Variants in RFFL observed in about 807,000 individuals in gnomAD.
The protein encoded by RFFL is E3 ubiquitin-protein ligase rififylin.
In RFFL, 16 loss-of-function variants were observed where a neutral mutation model predicts 40.4. The ratio of observed to expected loss-of-function variants is 0.40; its 90% confidence interval spans 0.27 to 0.60. The LOEUF (loss-of-function observed/expected upper bound fraction) is 0.60. Among genes scored for constraint, RFFL ranks in the 20% least tolerant of loss-of-function variants. The probability of loss-of-function intolerance (pLI) is 0.47; values close to 1 mark genes in which losing one functional copy is unlikely to be tolerated. For synonymous variants in RFFL, 154 were observed against 167.9 expected (o/e 0.92, Z 0.64); for missense variants, 367 against 451.7 (o/e 0.81, Z 1.70).
At chr17:35,055,552 G>T (rs968744877) in intron 1 of RFFL, among the ~76,000 whole-genome samples, 2 of 151,552 alleles carry the variant, frequency 1.3e-5, no homozygotes, top group African/African-American at 4.9e-5. Flanking sequence ...CACACCTGTA[G>T]TCTAGCTACT....
At chr17:35,074,453 G>A (rs1332454911) in intron 1 of RFFL, 4 of 151,788 alleles carry the variant, frequency 2.6e-5, no homozygotes, top group Admixed American at 6.6e-5. Context: ...TTCTGCAGCC[G>A]ACATATTTGT....
At position 35,010,392 on chromosome 17, in the gene RFFL, G is replaced by A. The variant is rs1859248; in HGVS notation, c.*1576C>T. ...CTTAAGTCCTCCAGCTCCTCTAGGGGTGTAAAGACTGTGAGGGCTCAAATA... is the reference window on the plus strand; with the variant it reads ...CTTAAGTCCTCCAGCTCCTCTAGGGATGTAAAGACTGTGAGGGCTCAAATA... On this transcript the variant is annotated 3_prime_UTR_variant, in exon 7 of 7. Coordinates refer to ENST00000394597, the MANE Select transcript of RFFL (RefSeq NM_001017368.2). The A allele has an allele frequency of 0.2, 30,682 of 152,148 alleles. 4,570 individuals carry two copies. Among genetic ancestry groups the A allele is most frequent in the African/African-American group, 0.42 (17,597 of 41,434 alleles). The allele number at this position is 152,148 out of a possible 1,614,324, so 9.4% of individuals were successfully genotyped here. A position where few individuals can be genotyped will look rare whatever the true frequency, so the allele number is the denominator to read the frequency against.
chr17:35,012,155 C>G lies in RFFL; in HGVS notation c.911-6G>C. On this transcript the variant is annotated splice_region_variant and splice_polypyrimidine_tract_variant and intron_variant, in intron 6 of 6. Coordinates refer to ENST00000394597, the MANE Select transcript of RFFL (RefSeq NM_001017368.2). The stretch of plus-strand genomic sequence containing the variant: ...GCCTGATGGTACTGCTCCCCCTGTA[C>G]AAACACACAGGGCAGAAAAAAAGGG... 4 of 1,612,350 alleles carry G rather than the reference C, an allele frequency of 2.5e-6. No homozygotes were observed. Among genetic ancestry groups the G allele is most frequent in the Non-Finnish European group, 3.4e-6 (4 of 1,178,864 alleles).
At chr17:35,078,597 C>G (rs1160554176) in intron 1 of RFFL, among the ~76,000 whole-genome samples, 1 of 152,156 alleles carries the variant, frequency 6.6e-6, no homozygotes, top group Non-Finnish European at 1.5e-5. Context: ...CCACCAGGCC[C>G]GGCCCAGAAA....
At chr17:35,050,366 G>A (rs1011940493) in intron 1 of RFFL, among the ~76,000 whole-genome samples, 2 of 152,122 alleles carry the variant, frequency 1.3e-5, no homozygotes, top group African/African-American at 4.8e-5. Context: ...AGACCAGCTC[G>A]CAGCCTGGGC....
intron 1 of RFFL, among the ~76,000 whole-genome samples, chr17:35,080,927 G>A (rs749014768): frequency 1.3e-5 from 2 of 152,210 alleles, no homozygotes; most frequent in South Asian, 2.1e-4. Context: ...AACAGAAAAT[G>A]TAGGTTTAAC....
At position 35,026,628 on chromosome 17, in the gene RFFL, C is replaced by T. The variant is rs999666075; in HGVS notation, c.-8-67G>A. The T allele has an allele frequency of 1.4e-5, 19 of 1,328,298 alleles. No individual in the cohort carries two copies. The East Asian group carries it at 1.7e-4, about 12-fold the overall frequency. 82.3% of individuals were successfully genotyped at this position (1,328,298 alleles called of 1,614,324 possible). A position where few individuals can be genotyped will look rare whatever the true frequency, so the allele number is the denominator to read the frequency against. On this transcript the variant is annotated intron_variant, in intron 1 of 6. Coordinates refer to ENST00000394597, the MANE Select transcript of RFFL (RefSeq NM_001017368.2). ...ACACCTCTACTGTCCTTTTGATGTC[C>T]GAGAGCACAGGTGAGCAGTGACACT...
At chr17:35,023,602 T>A (rs943582318) in intron 2 of RFFL, among the ~76,000 whole-genome samples, 1 of 152,220 alleles carries the variant, frequency 6.6e-6, no homozygotes, top group African/African-American at 2.4e-5. Flanking sequence ...GGAAATGAAG[T>A]CTGTTTAGGA....
rs925134965 is a variant in RFFL, at chr17:35,010,975, C to T, written c.*993G>A. The T allele has an allele frequency of 6.6e-6, 1 of 152,218 alleles. No individual in the cohort carries two copies. The highest frequency in any genetic ancestry group is 2.4e-5 in the African/African-American group (1 of 41,448). 9.4% of individuals were successfully genotyped at this position (152,218 alleles called of 1,614,324 possible). Reference sequence around the variant, plus strand: ...CAACAGCAGTCTGGCCAGAGAAGAGCACAGGCTCTTTGCCTAAATCTATTT... The same window carrying T: ...CAACAGCAGTCTGGCCAGAGAAGAGTACAGGCTCTTTGCCTAAATCTATTT... On this transcript the variant is annotated 3_prime_UTR_variant, in exon 7 of 7. Transcript: ENST00000394597.
upstream of RFFL, among the ~76,000 whole-genome samples, chr17:35,068,699 C>T (rs1470413597): frequency 4.6e-5 from 7 of 152,172 alleles, no homozygotes; most frequent in Admixed American, 2.0e-4. Context: ...CAATGAAATA[C>T]TAGGTTCCTG....
In RFFL at chr17:35,069,283, G is replaced by A. The variant is rs1049019007; in HGVS notation, c.-9+19822C>T. On this transcript the variant is annotated intron_variant, in intron 1 of 6. Transcript: ENST00000315249. ...CTGGTTTCCACTAATAATGCCCCAAGATTAACTTACCTTTGTTCATGTCCC... is the reference window on the plus strand; with the variant it reads ...CTGGTTTCCACTAATAATGCCCCAAAATTAACTTACCTTTGTTCATGTCCC... The A allele has an allele frequency of 1.5e-5, 7 of 456,526 alleles. No individual in the cohort carries two copies. The Admixed American group carries it at 1.6e-4, about 11-fold the overall frequency. 28.3% of individuals were successfully genotyped at this position (456,526 alleles called of 1,614,324 possible). A position where few individuals can be genotyped will look rare whatever the true frequency, so the allele number is the denominator to read the frequency against.
intron 1 of RFFL, among the ~76,000 whole-genome samples, chr17:35,035,928 C>A (rs1226047023): frequency 6.6e-6 from 1 of 152,110 alleles, no homozygotes; most frequent in Non-Finnish European, 1.5e-5. Flanking sequence ...GTCTTGAACT[C>A]CTGACCTCAG....
In RFFL at chr17:35,016,507, A is replaced by G. The variant is rs775711326; in HGVS notation, c.749T>C (p.Ile250Thr). Residue 250 changes from isoleucine to threonine, a missense_variant, in exon 5 of 7, where the codon ATT becomes ACT. Physicochemically the swap from Ile to Thr is moderately conservative, Grantham distance 89. Transcript: ENST00000394597. The stretch of plus-strand genomic sequence containing the variant: ...CAGCTGCCGCACTGTCAGGCCTTCA[A>G]TGTCCTCCAGGTCAGTCAGGTCAGA... Reference protein sequence around the residue: ...SLSDLTDLEDIEGLTVRQLKE... With the variant: ...SLSDLTDLEDTEGLTVRQLKE... 1.3e-5 allele frequency: 21 copies of G among 1,614,048 alleles called. No homozygotes were observed. The highest frequency in any genetic ancestry group is 1.7e-5 in the Admixed American group (1 of 60,004).
At position 35,011,601 on chromosome 17, in the gene RFFL, C is replaced by A; in HGVS notation, c.*367G>T. On this transcript the variant is annotated 3_prime_UTR_variant, in exon 7 of 7. Transcript: ENST00000394597. Reference sequence around the variant, plus strand: ...GATGAAACACATGGGCAAGCATCTCCCATATGGGGTGGGGATGGGTTGGGT... The same window carrying A: ...GATGAAACACATGGGCAAGCATCTCACATATGGGGTGGGGATGGGTTGGGT... 1 of 205,914 alleles carries A rather than the reference C, an allele frequency of 4.9e-6. No homozygotes were observed. The highest frequency in any genetic ancestry group is 9.9e-6 in the Non-Finnish European group (1 of 100,780). 12.8% of individuals were successfully genotyped at this position (205,914 alleles called of 1,614,324 possible). A position where few individuals can be genotyped will look rare whatever the true frequency, so the allele number is the denominator to read the frequency against.
At chr17:35,078,720 C>A (rs997661493) in intron 1 of RFFL, among the ~76,000 whole-genome samples, 1 of 152,158 alleles carries the variant, frequency 6.6e-6, no homozygotes, top group African/African-American at 2.4e-5. Flanking sequence ...GCAATCCCAG[C>A]ACTTATCCCA....
intron 3 of RFFL, 83 bp from the exon 4 acceptor site, chr17:35,017,689 G>A (rs925443951): frequency 1.7e-5 from 15 of 906,912 alleles, no homozygotes; most frequent in Non-Finnish European, 2.7e-5. Flanking sequence ...CTCACACAAT[G>A]TCCAGAATGT....
intron 1 of RFFL, among the ~76,000 whole-genome samples, chr17:35,060,705 C>T (rs1037867217): frequency 6.6e-6 from 1 of 152,112 alleles, no homozygotes; most frequent in Non-Finnish European, 1.5e-5. Context: ...CAGCCATGGG[C>T]TCATGTTCAT....
chr17:35,057,155 G>A (rs566701410), intron 1 of RFFL, among the ~76,000 whole-genome samples: 1 of 151,916 alleles, frequency 6.6e-6, no homozygotes, highest in Non-Finnish European at 1.5e-5. Context: ...CTGACCTCAG[G>A]TGATCCACCT....
At chr17:35,013,639 C>T (rs1224330900) in intron 6 of RFFL, among the ~76,000 whole-genome samples, 1 of 152,208 alleles carries the variant, frequency 6.6e-6, no homozygotes, top group Non-Finnish European at 1.5e-5. Context: ...ACCCATTTGC[C>T]TCTTTTGAGG....
Sources: allele counts gnomAD v4.1 joint callset (sites outside exome capture counted in the v4.1 genomes callset), GRCh38; gene constraint gnomAD v4.1.1; transcripts MANE v1.5; gene names NCBI Gene and HGNC (gene_info 2026-07-23, HGNC 2026-07-21).